TUT4: variants seen among roughly 807,000 people sequenced by gnomAD.
TUT4 encodes the protein terminal uridylyl transferase 4, also known as terminal uridylyltransferase 4.
In TUT4, 36 loss-of-function variants were observed where a neutral mutation model predicts 192.2. That is an observed-to-expected ratio of 0.19 (90% CI 0.14 to 0.25). TUT4 has a LOEUF of 0.25. TUT4 is among the 10% of genes least tolerant of loss of function. The pLI is 1.00. For synonymous variants in TUT4, 618 were observed against 666.0 expected, an observed-to-expected ratio of 0.93 and a Z score of 1.11; for missense variants, 1,493 against 1,957.2, an observed-to-expected ratio of 0.76 and a Z score of 4.47.
intron 4 of TUT4, among the ~76,000 whole-genome samples, chr1:52,504,632 A>G (rs112411894): frequency 1.3e-5 from 2 of 152,210 alleles, no homozygotes; most frequent in African/African-American, 4.8e-5. Flanking sequence ...TCTATCTTGA[A>G]AAAAAACAAA....
intron 15 of TUT4, among the ~76,000 whole-genome samples, 154 bp downstream of exon 15, chr1:52,468,027 C>T (rs931552282): frequency 1.3e-5 from 2 of 152,130 alleles, no homozygotes; most frequent in Admixed American, 1.3e-4. Context: ...GAAACATAAG[C>T]TTCATGAGGT....
At chr1:52,520,801 T>TC (rs946123607) in intron 2 of TUT4, among the ~76,000 whole-genome samples, 5 of 151,312 alleles carry the variant, frequency 3.3e-5, no homozygotes, top group African/African-American at 1.2e-4. Flanking sequence ...TTTTATTTTC[T>TC]TTTTTTTTGA....
chr1:52,457,525 C>G (rs563605560), intron 20 of TUT4, among the ~76,000 whole-genome samples: 1 of 152,184 alleles, frequency 6.6e-6, no homozygotes, highest in East Asian at 1.9e-4. Flanking sequence ...TGAGCCACCA[C>G]GCCCAGCCTA....
At chr1:52,546,483 T>C (rs145028825) in intron 1 of TUT4, among the ~76,000 whole-genome samples, 48 of 151,860 alleles carry the variant, frequency 3.2e-4, no homozygotes, top group African/African-American at 9.9e-4. Context: ...GTATTTAGAG[T>C]AGTCAAAATC....
chr1:52,437,061 A>G, intron 25 of TUT4, 83 bp from the exon 26 acceptor site: 1 of 1,515,496 alleles, frequency 6.6e-7, no homozygotes, highest in Non-Finnish European at 8.8e-7. Context: ...CAATAACAAA[A>G]GGACTAACAT....
At chr1:52,524,999 A>G (rs1681337671) in intron 2 of TUT4, among the ~76,000 whole-genome samples, 1 of 151,836 alleles carries the variant, frequency 6.6e-6, no homozygotes, top group Admixed American at 6.6e-5. Context: ...AATTTATATC[A>G]CCTATTTTGT....
At chr1:52,436,090 A>G (rs1653692083) in intron 26 of TUT4, among the ~76,000 whole-genome samples, 2 of 152,286 alleles carry the variant, frequency 1.3e-5, no homozygotes, top group Non-Finnish European at 2.9e-5. Flanking sequence ...TCCTTCTCTC[A>G]TAACAGCAGT....
chr1:52,533,801 T>TA (rs1428203095), intron 1 of TUT4, among the ~76,000 whole-genome samples: 1 of 151,992 alleles, frequency 6.6e-6, no homozygotes, highest in Non-Finnish European at 1.5e-5. Flanking sequence ...TCGTCTCTAT[T>TA]AAAATACAAA....
intron 28 of TUT4, 143 bp downstream of exon 28, chr1:52,430,870 A>G: frequency 1.1e-6 from 1 of 887,490 alleles, no homozygotes. Context: ...CTGAGTCCAG[A>G]GCCCATATTC....
chr1:52,480,975 T>C (rs552184292), intron 11 of TUT4, among the ~76,000 whole-genome samples: 1 of 152,370 alleles, frequency 6.6e-6, no homozygotes, highest in African/African-American at 2.4e-5. Flanking sequence ...ACATAATCCA[T>C]GTACCTTTGG....
intron 1 of TUT4, among the ~76,000 whole-genome samples, chr1:52,537,194 AAG>A (rs905436602): frequency 2.6e-5 from 4 of 152,344 alleles, no homozygotes; most frequent in South Asian, 2.1e-4. Flanking sequence ...AATTAAAAAA[AAG>A]AGAGAGATTG....
At position 52,431,346 on chromosome 1, in the gene TUT4, G is replaced by A; in HGVS notation, c.4378C>T (p.Pro1460Ser). The A allele has an allele frequency of 6.2e-7, 1 of 1,614,172 alleles. No individual in the cohort carries two copies. ...TGGGGAGGTTGGGCTCCCTGCTGAGGTGGGCCAAGCTTAGGTTGGGATCCT... is the reference window on the plus strand; with the variant it reads ...TGGGGAGGTTGGGCTCCCTGCTGAGATGGGCCAAGCTTAGGTTGGGATCCT... ...QPGSQPKLGP[P>S]QQGAQPPHQV... Residue 1460 changes from proline to serine, a missense_variant, in exon 28 of 30, where the codon CCT (proline) becomes TCT (serine). Physicochemically the swap from Pro to Ser is moderately conservative, Grantham distance 74. Coordinates refer to ENST00000257177, the MANE Select transcript of TUT4 (RefSeq NM_001009881.3).
At chr1:52,520,462 G>C (rs1252417097) in intron 2 of TUT4, among the ~76,000 whole-genome samples, 4 of 152,168 alleles carry the variant, frequency 2.6e-5, no homozygotes, top group Non-Finnish European at 5.9e-5. Flanking sequence ...CATCACTTGG[G>C]AGCTTATTAG....
chr1:52,430,788 A>G (rs985319283), intron 28 of TUT4, among the ~76,000 whole-genome samples: 5 of 152,188 alleles, frequency 3.3e-5, no homozygotes, highest in African/African-American at 1.2e-4. Flanking sequence ...TACAGATGAA[A>G]CCAATGCACA....
rs180941729 is a variant in TUT4, at chr1:52,435,366, C to T, written c.4262G>A (p.Cys1421Tyr). The change falls in exon 27 of 30, where the codon TGT becomes TAT. Residue 1421 changes from cysteine to tyrosine, a missense_variant and splice_region_variant. Cys to Tyr is a radical substitution (Grantham distance 194, BLOSUM62 -2). Around this residue, in one of 7 missense-constraint regions of TUT4, gnomAD observed 351 missense variants for 397.8 expected, o/e 0.88. Coordinates refer to ENST00000257177, the MANE Select transcript of TUT4 (RefSeq NM_001009881.3). Reference sequence around the variant, plus strand: ...CACATTCACAGGCAGAGTACTTACACATTCTGATGACTGTCTAGTCCTTAT... The same window carrying T: ...CACATTCACAGGCAGAGTACTTACATATTCTGATGACTGTCTAGTCCTTAT... ...QSIRTRQSSE[C>Y]SESPSYSPQP... 66 of 1,612,848 alleles carry T rather than the reference C, an allele frequency of 4.1e-5. No homozygotes were observed. Among genetic ancestry groups the T allele is most frequent in the Admixed American group, 3.7e-4 (22 of 59,920 alleles).
At position 52,477,769 on chromosome 1, in the gene TUT4, C is replaced by A; in HGVS notation, c.1962G>T (p.Arg654=). ...TTTCTCTTGTTAAAATATCTTGTAT[C>A]CGTACACATATGACATATTCCTCCA... ...FALEEYVICV[R]IQDILTRENK... is the part of the protein sequence containing the mutation. Residue 654 remains arginine (R), a synonymous_variant, in exon 12 of 30, where the codon CGG becomes CGT. Coordinates refer to ENST00000257177, the MANE Select transcript of TUT4 (RefSeq NM_001009881.3). 6.2e-7 allele frequency: 1 copy of A among 1,613,658 alleles called. No homozygotes were observed. The highest frequency in any genetic ancestry group is 1.1e-5 in the South Asian group (1 of 91,046).
rs183460536 is a variant in TUT4, at chr1:52,476,140, C to T, written c.2024-605G>A. 2.6e-5 allele frequency among the ~76,000 whole-genome samples: 4 copies of T among 151,988 alleles called. No homozygotes were observed. The East Asian group carries it at 5.8e-4, about 22-fold the overall frequency. On this transcript the variant is annotated intron_variant, in intron 12 of 29. Transcript: ENST00000257177. ...GATTACAGGCATGAGGCACTGCACCCGGGTCACAGTGTTTTTTAATATAGT... is the reference window on the plus strand; with the variant it reads ...GATTACAGGCATGAGGCACTGCACCTGGGTCACAGTGTTTTTTAATATAGT...
intron 11 of TUT4, among the ~76,000 whole-genome samples, chr1:52,480,211 G>A (rs1668165810): frequency 6.6e-6 from 1 of 152,020 alleles, no homozygotes; most frequent in Non-Finnish European, 1.5e-5. Flanking sequence ...GTGAACTACA[G>A]CACTTCAACT....
chr1:52,433,144 T>G (rs770738376), intron 27 of TUT4: 1 of 151,980 alleles, frequency 6.6e-6, no homozygotes, highest in South Asian at 2.1e-4. Context: ...TCTCGGCACA[T>G]TGCAATCTCC....
Sources: gnomAD v4.1 joint callset for allele counts (sites outside exome capture counted in the v4.1 genomes callset) on GRCh38, gnomAD v4.1.1 for gene constraint, gnomAD v4.1.1 regional missense constraint, MANE v1.5 for transcripts, NCBI Gene and HGNC (gene_info 2026-07-23, HGNC 2026-07-21) for gene names.